Variants in SLC17A9 observed in about 807,000 individuals in gnomAD.
The protein encoded by SLC17A9 is voltage-gated purine nucleotide uniporter SLC17A9.
A neutral mutation model predicts 55.0 loss-of-function variants in SLC17A9; 49 were observed. The ratio of observed to expected loss-of-function variants is 0.89; its 90% confidence interval spans 0.71 to 1.13. SLC17A9 has a LOEUF of 1.13. Among genes scored for constraint, SLC17A9 ranks in the 50% most tolerant of loss-of-function variants. SLC17A9 has a pLI of 0.00. For missense variants in SLC17A9, 526 were observed against 569.3 expected, an observed-to-expected ratio of 0.92 and a Z score of 0.77; for synonymous variants, 256 against 247.4, an observed-to-expected ratio of 1.03 and a Z score of -0.32.
Position 62,953,097 on chromosome 20 carries a change from G to C in SLC17A9, c.59+208G>C, listed in dbSNP as rs534485031. ...CTCCCTGCCATGAGATTCCAGGACCGGACCTGGCAAGTGCCCTATCCCAGC... is the reference window on the plus strand; with the variant it reads ...CTCCCTGCCATGAGATTCCAGGACCCGACCTGGCAAGTGCCCTATCCCAGC... On this transcript the variant is annotated intron_variant, in intron 1 of 12. Transcript: ENST00000370351. 3.0e-6 allele frequency: 4 copies of C among 1,341,658 alleles called. No individual in the cohort carries two copies. In the Admixed American group the frequency reaches 8.1e-5, roughly 27 times the overall value. 83.1% of individuals were successfully genotyped at this position (1,341,658 alleles called of 1,614,324 possible). A position where few individuals can be genotyped will look rare whatever the true frequency, so the allele number is the denominator to read the frequency against.
intron 1 of SLC17A9, among the ~76,000 whole-genome samples, chr20:62,954,963 C>T (rs2065523807): frequency 6.7e-6 from 1 of 150,074 alleles, no homozygotes; most frequent in Admixed American, 6.6e-5. Context: ...CCCCCACCTC[C>T]CCCCCTTTCT....
chr20:62,967,134 G>A (rs1229024283), intron 12 of SLC17A9: 5 of 628,588 alleles, frequency 8.0e-6, no homozygotes, highest in Non-Finnish European at 1.4e-5. Flanking sequence ...TGGATGGCCT[G>A]TGAGATCTCT....
rs1183910334 is a variant in SLC17A9 at position 62,956,758 on chromosome 20, C to T, written c.60-7C>T. The T allele has an allele frequency of 6.2e-6, 10 of 1,609,516 alleles. No homozygotes were observed. The highest frequency in any genetic ancestry group is 2.5e-6 in the Non-Finnish European group (3 of 1,179,042). ...TCCCCAGGGCCTGACCATCTCCTGTCCCACAGGCCCGAGTGCCAGGCATGG... is the reference window on the plus strand; with the variant it reads ...TCCCCAGGGCCTGACCATCTCCTGTTCCACAGGCCCGAGTGCCAGGCATGG... On this transcript the variant is annotated splice_region_variant and splice_polypyrimidine_tract_variant and intron_variant, in intron 1 of 12. Transcript: ENST00000370351.
At chr20:62,963,497 C>G in intron 6 of SLC17A9, 87 bp from the exon 7 acceptor site, 1 of 1,514,560 alleles carries the variant, frequency 6.6e-7, no homozygotes. Flanking sequence ...GGACTCTGGC[C>G]CCCAGGGGAC....
rs1444687799 is a variant in SLC17A9 at position 62,965,730 on chromosome 20, G to A, written c.1061+5G>A. The A allele has an allele frequency of 6.2e-7, 1 of 1,613,188 alleles. No individual in the cohort carries two copies. The highest frequency in any genetic ancestry group is 1.3e-5 in the African/African-American group (1 of 74,928). On this transcript the variant is annotated splice_donor_5th_base_variant and intron_variant, in intron 10 of 12. Transcript: ENST00000370351. Reference sequence around the variant, plus strand: ...CCTCCAGACCTTCAACCACAGGTGAGGGCCGACTGCTCCATCCACCAGAGC... The same window carrying A: ...CCTCCAGACCTTCAACCACAGGTGAAGGCCGACTGCTCCATCCACCAGAGC...
chr20:62,952,748 G>C lies in SLC17A9; in HGVS notation c.-83G>C, dbSNP rs2065500735. On this transcript the variant is annotated 5_prime_UTR_variant, in exon 1 of 13. Transcript: ENST00000370351. ...TGGGACTGACACGTGGACTTGGGCG[G>C]TGCTGCCCGGGTGGGTCAGCCTGGG... The C allele has an allele frequency of 1.4e-6, 2 of 1,414,064 alleles. No homozygotes were observed. The highest frequency in any genetic ancestry group is 1.9e-6 in the Non-Finnish European group (2 of 1,054,290). 87.6% of individuals were successfully genotyped at this position (1,414,064 alleles called of 1,614,324 possible).
intron 1 of SLC17A9, among the ~76,000 whole-genome samples, chr20:62,955,392 C>T (rs182924163): frequency 6.6e-5 from 10 of 152,236 alleles, no homozygotes; most frequent in Non-Finnish European, 5.9e-5. Flanking sequence ...GTGATCCTCC[C>T]GCCTCAGCCT....
chr20:62,955,165 C>G (rs2065525846), intron 1 of SLC17A9, among the ~76,000 whole-genome samples: 1 of 151,408 alleles, frequency 6.6e-6, no homozygotes, highest in Non-Finnish European at 1.5e-5. Context: ...TGGAGTCTCG[C>G]TAGGTGGAGT....
chr20:62,962,744 G>T lies in SLC17A9; in HGVS notation c.618G>T (p.Leu206=), dbSNP rs201030596. 8.1e-6 allele frequency: 13 copies of T among 1,613,812 alleles called. No individual in the cohort carries two copies. The highest frequency in any genetic ancestry group is 1.0e-5 in the Non-Finnish European group (12 of 1,179,822). The stretch of plus-strand genomic sequence containing the variant: ...TGTGGTACGTGTACAGGTACCTGCT[G>T]AGTGAAAAAGGTAACGCAGGCCGGG... ...LWVWYVYRYL[L]SEKDLILALG... Residue 206 remains leucine, a synonymous_variant, in exon 5 of 13, where the codon CTG becomes CTT. Transcript: ENST00000370351. This position sits in a 1 kb window ranked among gnomAD's most constrained non-coding sequence, Gnocchi z 5.5.
chr20:62,957,428 GT>G lies in SLC17A9; in HGVS notation c.258-12del. On this transcript the variant is annotated splice_polypyrimidine_tract_variant and intron_variant, in intron 2 of 12. Transcript: ENST00000370351. The stretch of plus-strand genomic sequence containing the variant: ...CACAGCCACATCCTCACCTCCCTCT[GT>G]CTTCCCTCCAGGATTGGGGGTGAGA... The G allele has an allele frequency of 6.4e-7, 1 of 1,566,346 alleles. No homozygotes were observed.
At chr20:62,957,903 C>G (rs893605635) in intron 3 of SLC17A9, among the ~76,000 whole-genome samples, 3 of 150,170 alleles carry the variant, frequency 2.0e-5, no homozygotes, top group Non-Finnish European at 4.4e-5. Context: ...ATGCGTGCAC[C>G]TGTGTGTGTG....
At chr20:62,956,625 G>A in intron 1 of SLC17A9, 140 bp from the exon 2 acceptor site, 2 of 754,398 alleles carry the variant, frequency 2.7e-6, no homozygotes, top group Non-Finnish European at 4.2e-6. Context: ...GTGTTTGAAT[G>A]CTTGCCAAGT....
chr20:62,967,232 G>A (rs550683748), intron 12 of SLC17A9, 105 bp from the exon 13 acceptor site: 46 of 1,386,166 alleles, frequency 3.3e-5, no homozygotes, highest in Non-Finnish European at 4.1e-5. Context: ...CCTATCAGGC[G>A]CTAGACCCCC....
Position 62,967,672 on chromosome 20 carries a change from T to TGGGG in SLC17A9, c.*173_*176dup. 1 of 108,664 alleles carries TGGGG rather than the reference T, an allele frequency of 9.2e-6. No homozygotes were observed. Among genetic ancestry groups the TGGGG allele is most frequent in the East Asian group, 2.5e-4 (1 of 3,942 alleles). The allele number at this position is 108,664 out of a possible 1,614,324, so 6.7% of individuals were successfully genotyped here. ...GAGTCCACAACAGCTGGTGGGAGGG[T>TGGGG]GGGGTGGGCCTGGGTCCAGACCAGG... is the stretch of plus-strand genomic sequence containing the variant. On this transcript the variant is annotated 3_prime_UTR_variant, in exon 13 of 13. Coordinates refer to ENST00000370351, the MANE Select transcript of SLC17A9 (RefSeq NM_022082.4).
At position 62,958,592 on chromosome 20, in the gene SLC17A9, C is replaced by G. The variant is rs1192436415; in HGVS notation, c.397+1012C>G. On this transcript the variant is annotated intron_variant, in intron 3 of 12. Coordinates refer to ENST00000370351, the MANE Select transcript of SLC17A9 (RefSeq NM_022082.4). The surrounding 1 kb of genome is among the most constrained non-coding windows in gnomAD (Gnocchi z 4.1). The stretch of plus-strand genomic sequence containing the variant: ...TCCTCCCCCAGTGTCCTGGGCCATC[C>G]AGACCCCCCACTCAGGACTCCCCCT... Among the ~76,000 whole-genome samples the G allele has an allele frequency of 6.6e-6, 1 of 152,066 alleles. No individual in the cohort carries two copies. The highest frequency in any genetic ancestry group is 2.4e-5 in the African/African-American group (1 of 41,398).
chr20:62,967,013 G>A, intron 12 of SLC17A9: 3 of 573,698 alleles, frequency 5.2e-6, no homozygotes, highest in South Asian at 2.3e-5. Context: ...TGGCCCCGCT[G>A]AGTGCCATGG....
chr20:62,956,474 C>T (rs2065537658), intron 1 of SLC17A9, among the ~76,000 whole-genome samples: 1 of 152,186 alleles, frequency 6.6e-6, no homozygotes, highest in Admixed American at 6.5e-5. Context: ...ACAAGCAGGG[C>T]CCGGCCCAGG....
At chr20:62,956,691 G>A in intron 1 of SLC17A9, 74 bp from the exon 2 acceptor site, 1 of 1,385,646 alleles carries the variant, frequency 7.2e-7, no homozygotes, top group Non-Finnish European at 9.9e-7. Flanking sequence ...CCCTGAGGGA[G>A]GTCTCTGAGT....
intron 3 of SLC17A9, among the ~76,000 whole-genome samples, chr20:62,957,887 G>A (rs917503762): frequency 3.3e-5 from 5 of 151,116 alleles, no homozygotes; most frequent in South Asian, 2.1e-4. Context: ...GGGCATGCCC[G>A]CGTGCATGCG....
Sources: gnomAD v4.1 joint callset for allele counts (sites outside exome capture counted in the v4.1 genomes callset) on GRCh38, gnomAD v4.1.1 for gene constraint, Gnocchi (gnomAD v3.1) non-coding constraint, MANE v1.5 for transcripts, NCBI Gene and HGNC (gene_info 2026-07-23, HGNC 2026-07-21) for gene names.